Variants in SEZ6L observed in about 807,000 individuals in gnomAD.
SEZ6L encodes the protein seizure related 6 homolog like.
A neutral mutation model predicts 106.2 loss-of-function variants in SEZ6L; 37 were observed. The observed-to-expected ratio is 0.35, with a 90% confidence interval of 0.27 to 0.46. The LOEUF is 0.46. Among genes scored for constraint, SEZ6L ranks in the 20% least tolerant of loss-of-function variants. The pLI is 1.00. For synonymous variants in SEZ6L, 541 were observed against 570.4 expected, an observed-to-expected ratio of 0.95 and a Z score of 0.73; for missense variants, 1,172 against 1,332.8, an observed-to-expected ratio of 0.88 and a Z score of 1.88.
At chr22:26,314,878 G>A (rs944303116) in intron 9 of SEZ6L, among the ~76,000 whole-genome samples, 5 of 152,256 alleles carry the variant, frequency 3.3e-5, no homozygotes, top group Non-Finnish European at 7.3e-5. Flanking sequence ...GAAAGCCAGC[G>A]AGCAGCGGGG....
intron 1 of SEZ6L, among the ~76,000 whole-genome samples, chr22:26,233,970 T>C (rs1282281282): frequency 6.6e-6 from 1 of 152,092 alleles, no homozygotes; most frequent in Non-Finnish European, 1.5e-5. Context: ...TGGCTGGGCA[T>C]TGGGAAGAAA....
At chr22:26,290,164 G>A (rs2081063140) in intron 1 of SEZ6L, among the ~76,000 whole-genome samples, 1 of 152,178 alleles carries the variant, frequency 6.6e-6, no homozygotes, top group Non-Finnish European at 1.5e-5. Context: ...GGCAGAACTG[G>A]GTCTTTAAAA....
chr22:26,297,058 G>C lies in SEZ6L; in HGVS notation c.1140G>C (p.Gly380=). The C allele has an allele frequency of 1.2e-6, 2 of 1,613,214 alleles. No homozygotes were observed. Among genetic ancestry groups the C allele is most frequent in the Non-Finnish European group, 1.7e-6 (2 of 1,179,516 alleles). Residue 380 remains glycine, a synonymous_variant, in exon 4 of 17, where the codon GGG becomes GGC. Coordinates refer to ENST00000248933, the MANE Select transcript of SEZ6L (RefSeq NM_021115.5). The stretch of plus-strand genomic sequence containing the variant: ...GGACCTTCCAGGACGACGGCCTTGG[G>C]ACCTTCCAGCTTCACTACCAGGGTA... ...YFRTFQDDGL[G]TFQLHYQAFM... is the part of the protein sequence containing the mutation.
intron 1 of SEZ6L, among the ~76,000 whole-genome samples, chr22:26,291,994 A>C (rs1176994696): frequency 1.1e-5 from 1 of 95,000 alleles, no homozygotes; most frequent in Admixed American, 9.0e-5. Context: ...GAAGGAAGGA[A>C]GGAAGGAAGG....
chr22:26,176,096 T>C (rs1938980266), intron 1 of SEZ6L, among the ~76,000 whole-genome samples: 1 of 152,244 alleles, frequency 6.6e-6, no homozygotes, highest in Non-Finnish European at 1.5e-5. Flanking sequence ...TTTGTGCTTT[T>C]CCTGTATTCA....
chr22:26,210,555 A>G (rs2078128557), intron 1 of SEZ6L, among the ~76,000 whole-genome samples: 1 of 152,202 alleles, frequency 6.6e-6, no homozygotes, highest in African/African-American at 2.4e-5. Flanking sequence ...ACAGTGGCCT[A>G]GTCAGCTTCC....
At chr22:26,308,081 A>G (rs1386635524) in intron 6 of SEZ6L, among the ~76,000 whole-genome samples, 3 of 152,224 alleles carry the variant, frequency 2.0e-5, no homozygotes, top group Non-Finnish European at 2.9e-5. Flanking sequence ...CTCTGGGCCA[A>G]GAAGAAAAGA....
At chr22:26,186,116 G>C (rs910272316) in intron 1 of SEZ6L, among the ~76,000 whole-genome samples, 1 of 151,964 alleles carries the variant, frequency 6.6e-6, no homozygotes, top group African/African-American at 2.4e-5. Context: ...ATGAATTATT[G>C]CTACCATCAG....
chr22:26,340,674 A>G, intron 10 of SEZ6L, 42 bp downstream of exon 10: 3 of 1,546,686 alleles, frequency 1.9e-6, no homozygotes, highest in Middle Eastern at 1.7e-4. Context: ...CTTTGTGTTT[A>G]GATACAGGTT....
At chr22:26,216,638 AGAGT>A (rs1005608578) in intron 1 of SEZ6L, among the ~76,000 whole-genome samples, 18 of 151,520 alleles carry the variant, frequency 1.2e-4, no homozygotes, top group Non-Finnish European at 1.2e-4. Context: ...CCTTGGTGAC[AGAGT>A]GAGACTCCAT....
chr22:26,193,292 T>C (rs1165843257), intron 1 of SEZ6L, among the ~76,000 whole-genome samples: 2 of 152,236 alleles, frequency 1.3e-5, no homozygotes, highest in Non-Finnish European at 2.9e-5. Flanking sequence ...TATGGCTTAA[T>C]GCTTCAGCAT....
rs148983209 is a variant in SEZ6L at position 26,316,956 on chromosome 22, G to GA, written c.2015+3056dup. Among the ~76,000 whole-genome samples the GA allele has an allele frequency of 8.4e-3, 974 of 115,458 alleles. 19 individuals are homozygous for GA. Among genetic ancestry groups the GA allele is most frequent in the East Asian group, 0.074 (299 of 4,030 alleles). 75.7% of individuals were successfully genotyped at this position (115,458 alleles called of 152,430 possible). A position where few individuals can be genotyped will look rare whatever the true frequency, so the allele number is the denominator to read the frequency against. On this transcript the variant is annotated intron_variant, in intron 9 of 16. Transcript: ENST00000248933. ...GAAAGAAAAGAAAGAAAGGAAGAAAGAAGGAGGGAGGGAGGGAGGACAGGA... is the reference window on the plus strand; with the variant it reads ...GAAAGAAAAGAAAGAAAGGAAGAAAGAAAGGAGGGAGGGAGGGAGGACAGGA...
At chr22:26,251,542 A>C (rs956721695) in intron 1 of SEZ6L, among the ~76,000 whole-genome samples, 1 of 152,162 alleles carries the variant, frequency 6.6e-6, no homozygotes, top group African/African-American at 2.4e-5. Flanking sequence ...GGGGAGCTGG[A>C]GAAAGTCAGG....
intron 1 of SEZ6L, among the ~76,000 whole-genome samples, chr22:26,192,526 A>G (rs925610567): frequency 6.6e-6 from 1 of 152,264 alleles, no homozygotes; most frequent in African/African-American, 2.4e-5. Context: ...TTTTTCAAAT[A>G]TAATGAAACT....
intron 15 of SEZ6L, among the ~76,000 whole-genome samples, chr22:26,375,949 C>T (rs1381593701): frequency 6.6e-6 from 1 of 152,256 alleles, no homozygotes; most frequent in Non-Finnish European, 1.5e-5. Context: ...GGCACACAGA[C>T]ATAACATATT....
rs1220793857 is a variant in SEZ6L, at chr22:26,381,537, A to G, written c.*1242A>G. On this transcript the variant is annotated 3_prime_UTR_variant, in exon 17 of 17. Transcript: ENST00000248933. ...AGACCATCCAGTGGAATCCTGTATC[A>G]TCTGATCTGAACATCAATGAAGACA... 3 of 153,770 alleles carry G rather than the reference A, an allele frequency of 2.0e-5. No individual in the cohort carries two copies. The highest frequency in any genetic ancestry group is 2.9e-5 in the Non-Finnish European group (2 of 69,070). 9.5% of individuals were successfully genotyped at this position (153,770 alleles called of 1,614,324 possible).
At chr22:26,176,238 AC>A (rs1473012500) in intron 1 of SEZ6L, among the ~76,000 whole-genome samples, 1 of 152,198 alleles carries the variant, frequency 6.6e-6, no homozygotes, top group Non-Finnish European at 1.5e-5. Context: ...TCAGGATTCA[AC>A]CCCAGAACTT....
At chr22:26,333,028 T>C (rs1419882687) in intron 9 of SEZ6L, among the ~76,000 whole-genome samples, 1 of 152,268 alleles carries the variant, frequency 6.6e-6, no homozygotes, top group Non-Finnish European at 1.5e-5. Context: ...AAAAGCTAAA[T>C]GTGGGTCCTG....
intron 9 of SEZ6L, among the ~76,000 whole-genome samples, chr22:26,316,075 T>C (rs1484944651): frequency 6.6e-6 from 1 of 152,026 alleles, no homozygotes; most frequent in Non-Finnish European, 1.5e-5. Context: ...AAATTCAAAT[T>C]GAATTAAATA....
Sources: gnomAD v4.1 joint callset for allele counts (sites outside exome capture counted in the v4.1 genomes callset) on GRCh38, gnomAD v4.1.1 for gene constraint, MANE v1.5 for transcripts, NCBI Gene and HGNC (gene_info 2026-07-23, HGNC 2026-07-21) for gene names.